ZFAND3: variants seen among roughly 807,000 people sequenced by gnomAD.
ZFAND3 encodes the protein AN1-type zinc finger protein 3.
ZFAND3 carries 10 observed loss-of-function variants against 29.6 expected under a neutral mutation model. The observed-to-expected ratio is 0.34, with a 90% CI of 0.21 to 0.57. ZFAND3 has a LOEUF of 0.57. Among genes scored for constraint, ZFAND3 ranks in the 20% least tolerant of loss-of-function variants. The probability of loss-of-function intolerance (pLI) is 0.86; values close to 1 mark genes in which losing one functional copy is unlikely to be tolerated. For missense variants in ZFAND3, 230 were observed against 304.5 expected (o/e 0.76, Z 1.82); for synonymous variants, 128 against 112.6 (o/e 1.14, Z -0.87).
At chr6:38,144,190 TATA>T (rs1766030078) in intron 5 of ZFAND3, among the ~76,000 whole-genome samples, 1 of 41,174 alleles carries the variant, frequency 2.4e-5, no homozygotes, top group African/African-American at 1.3e-4. Flanking sequence ...ATATAATATA[TATA>T]TATATATATA....
At chr6:37,852,732 T>TA (rs138071676) in intron 1 of ZFAND3, among the ~76,000 whole-genome samples, 9,703 of 150,494 alleles carry the variant, frequency 0.064, 382 homozygotes, top group Non-Finnish European at 0.084. Context: ...TTTTTTTTTT[T>TA]AAAGACAGAG....
At chr6:37,974,615 C>T (rs141821359) in intron 2 of ZFAND3, among the ~76,000 whole-genome samples, 1 of 152,124 alleles carries the variant, frequency 6.6e-6, no homozygotes, top group East Asian at 1.9e-4. Flanking sequence ...AGGCTGGTCT[C>T]AAACTCATGG....
At chr6:38,056,264 T>C (rs1293770100) in intron 2 of ZFAND3, among the ~76,000 whole-genome samples, 1 of 152,164 alleles carries the variant, frequency 6.6e-6, no homozygotes, top group Admixed American at 6.5e-5. Flanking sequence ...CCATTTATAT[T>C]TGACAAAGAA....
chr6:37,881,930 A>C (rs1764904085), intron 1 of ZFAND3, among the ~76,000 whole-genome samples: 1 of 152,210 alleles, frequency 6.6e-6, no homozygotes, highest in Admixed American at 6.5e-5. Context: ...GTATAATCAC[A>C]TGAAGACTAT....
chr6:37,832,534 A>G (rs918260825), intron 1 of ZFAND3, among the ~76,000 whole-genome samples: 9 of 152,338 alleles, frequency 5.9e-5, no homozygotes, highest in African/African-American at 1.9e-4. Context: ...GAAGTGATTC[A>G]GTGAATTTGT....
At chr6:38,144,231 A>ATTTT (rs67159019) in intron 5 of ZFAND3, among the ~76,000 whole-genome samples, 4 of 75,252 alleles carry the variant, frequency 5.3e-5, no homozygotes, top group African/African-American at 1.3e-4. Context: ...ATATATATAT[A>ATTTT]TTTTTTTTTT....
intron 1 of ZFAND3, among the ~76,000 whole-genome samples, chr6:37,828,905 C>T (rs1763808695): frequency 6.6e-6 from 1 of 152,122 alleles, no homozygotes; most frequent in Non-Finnish European, 1.5e-5. Flanking sequence ...CCGCCTCGGC[C>T]TCCCAAAGTG....
In ZFAND3 at chr6:38,153,952, G is replaced by A; in HGVS notation, c.*1563G>A. 1.0e-6 allele frequency: 1 copy of A among 985,462 alleles called. No homozygotes were observed. The highest frequency in any genetic ancestry group is 4.7e-5 in the South Asian group (1 of 21,288). 61.0% of individuals were successfully genotyped at this position (985,462 alleles called of 1,614,324 possible). A position where few individuals can be genotyped will look rare whatever the true frequency, so the allele number is the denominator to read the frequency against. ...CAACTCTGTCTGCAAATTAACAGCT[G>A]AACACCTGCAACTGCAAATGTTTTT... On this transcript the variant is annotated 3_prime_UTR_variant, in exon 6 of 6. Transcript: ENST00000287218.
chr6:37,960,489 C>CTTAA (rs1400305660), intron 2 of ZFAND3, among the ~76,000 whole-genome samples: 1 of 152,190 alleles, frequency 6.6e-6, no homozygotes, highest in African/African-American at 2.4e-5. Flanking sequence ...AGCCTGGCAA[C>CTTAA]TTAATTCCTT....
intron 4 of ZFAND3, among the ~76,000 whole-genome samples, chr6:38,111,308 G>C (rs1765311200): frequency 6.6e-6 from 1 of 152,146 alleles, no homozygotes; most frequent in Non-Finnish European, 1.5e-5. Flanking sequence ...ATGGATGATT[G>C]TGTCGTACTG....
At chr6:37,968,196 A>T (rs1020826839) in intron 2 of ZFAND3, among the ~76,000 whole-genome samples, 2 of 152,086 alleles carry the variant, frequency 1.3e-5, no homozygotes, top group Non-Finnish European at 2.9e-5. Flanking sequence ...CTCATTAGAG[A>T]TTTAAAAGAA....
chr6:37,971,746 T>C (rs1050329182), intron 2 of ZFAND3, among the ~76,000 whole-genome samples: 4 of 151,102 alleles, frequency 2.6e-5, no homozygotes, highest in Non-Finnish European at 5.9e-5. Flanking sequence ...CCCAGCACTT[T>C]GGGAGGTCAA....
At chr6:37,922,081 TATAAA>T (rs539281103) in intron 1 of ZFAND3, among the ~76,000 whole-genome samples, 54 of 151,990 alleles carry the variant, frequency 3.6e-4, no homozygotes, top group African/African-American at 8.0e-4. Flanking sequence ...AAATATAAAA[TATAAA>T]ATAAAATAAA....
intron 1 of ZFAND3, among the ~76,000 whole-genome samples, chr6:37,920,135 G>A (rs1761350572): frequency 5.1e-5 from 6 of 118,728 alleles, no homozygotes. Context: ...GGATTTAATT[G>A]TAAAGCAATT....
At chr6:38,031,860 G>A (rs1763568353) in intron 2 of ZFAND3, among the ~76,000 whole-genome samples, 1 of 149,568 alleles carries the variant, frequency 6.7e-6, no homozygotes, top group African/African-American at 2.5e-5. Flanking sequence ...CTGTCCCAGG[G>A]TCTTGCTGTA....
rs539970158 is a variant in ZFAND3 at position 37,819,864 on chromosome 6, C to G, written c.-82C>G. ...CCCCGCCCCGAGCCCCCCGACGCCGCCGCCACCGCCTCCTCAGAGCGGGGC... is the reference window on the plus strand; with the variant it reads ...CCCCGCCCCGAGCCCCCCGACGCCGGCGCCACCGCCTCCTCAGAGCGGGGC... On this transcript the variant is annotated 5_prime_UTR_variant, in exon 1 of 6. Coordinates refer to ENST00000287218, the MANE Select transcript of ZFAND3 (RefSeq NM_021943.3). 21,425 of 1,038,644 alleles carry G rather than the reference C, an allele frequency of 0.021. 270 individuals are homozygous for G. The highest frequency in any genetic ancestry group is 0.023 in the Non-Finnish European group (19,337 of 839,326). The allele number at this position is 1,038,644 out of a possible 1,614,324, so 64.3% of individuals were successfully genotyped here.
At chr6:38,074,751 A>G (rs1764520179) in intron 3 of ZFAND3, among the ~76,000 whole-genome samples, 1 of 152,244 alleles carries the variant, frequency 6.6e-6, no homozygotes. Flanking sequence ...GACTTACAGG[A>G]GGAAAAGTCA....
At chr6:37,979,833 C>T (rs1200300750) in intron 2 of ZFAND3, among the ~76,000 whole-genome samples, 1 of 152,176 alleles carries the variant, frequency 6.6e-6, no homozygotes, top group African/African-American at 2.4e-5. Flanking sequence ...TCTCATCAGG[C>T]CTCTTAGCTT....
chr6:37,846,732 A>T (rs1325610088), intron 1 of ZFAND3, among the ~76,000 whole-genome samples: 13 of 144,570 alleles, frequency 9.0e-5, no homozygotes, highest in African/African-American at 3.3e-4. Context: ...TTTTTTTTGG[A>T]ATGGAGTCTC....
Sources: gnomAD v4.1 joint callset for allele counts (sites outside exome capture counted in the v4.1 genomes callset) on GRCh38, gnomAD v4.1.1 for gene constraint, MANE v1.5 for transcripts, NCBI Gene and HGNC (gene_info 2026-07-23, HGNC 2026-07-21) for gene names.